MYCBP2: variants seen among roughly 807,000 people sequenced by gnomAD.
The protein encoded by MYCBP2 is MYC binding protein 2, also known as E3 ubiquitin-protein ligase MYCBP2.
Under a neutral mutation model 525.3 loss-of-function variants are expected in MYCBP2, and 120 were observed. The observed-to-expected ratio is 0.23, with a 90% CI of 0.20 to 0.27. MYCBP2 has a LOEUF of 0.27. Ranked by LOEUF, MYCBP2 falls within the 10% of genes least tolerant of loss-of-function variation. The probability of loss-of-function intolerance (pLI) is 1.00; values close to 1 mark genes in which losing one functional copy is unlikely to be tolerated. For missense variants in MYCBP2, 4,149 were observed against 5,657.1 expected (o/e 0.73, Z 8.55); for synonymous variants, 1,894 against 1,955.8 (o/e 0.97, Z 0.83).
chr13:77,301,176 A>G (rs914590391), intron 1 of MYCBP2, among the ~76,000 whole-genome samples: 18 of 151,914 alleles, frequency 1.2e-4, no homozygotes, highest in African/African-American at 3.9e-4. Flanking sequence ...GCACTTTGGG[A>G]AGCTGAGGCG....
At chr13:77,161,832 A>G (rs1398046818) in intron 44 of MYCBP2, 74 bp downstream of exon 44, 1 of 1,170,240 alleles carries the variant, frequency 8.5e-7, no homozygotes, top group African/African-American at 1.5e-5. Context: ...GGTCAAGACA[A>G]ATAGGCTGAT....
At chr13:77,120,414 T>C (rs1330091902) in intron 55 of MYCBP2, among the ~76,000 whole-genome samples, 2 of 152,242 alleles carry the variant, frequency 1.3e-5, no homozygotes, top group Non-Finnish European at 2.9e-5. Context: ...AGTAGTTTTA[T>C]TTTAAACAGA....
At position 77,058,902 on chromosome 13, in the gene MYCBP2, T is replaced by C. The variant is rs181631916; in HGVS notation, c.13141-496A>G. Among the ~76,000 whole-genome samples the C allele has an allele frequency of 8.9e-3, 1,353 of 152,190 alleles. 24 individuals are homozygous for C. The highest frequency in any genetic ancestry group is 0.031 in the African/African-American group (1,293 of 41,502). ...TAGGAAGCTGAGGCAGGAGAATCGC[T>C]TGAACCCGGGAGGCGGAGGTTGCAG... On this transcript the variant is annotated intron_variant, in intron 77 of 82. Transcript: ENST00000544440. The surrounding 1 kb of genome is among the most constrained non-coding windows in gnomAD (Gnocchi z 4.1).
In MYCBP2 at chr13:77,181,695, A is replaced by C. The variant is rs2060235720; in HGVS notation, c.4941+6T>G. 6.2e-7 allele frequency: 1 copy of C among 1,612,342 alleles called. No homozygotes were observed. The highest frequency in any genetic ancestry group is 1.3e-5 in the African/African-American group (1 of 74,878). On this transcript the variant is annotated splice_donor_region_variant and intron_variant, in intron 33 of 82. Coordinates refer to ENST00000544440, the MANE Select transcript of MYCBP2 (RefSeq NM_015057.5). ...TCTGTATAAAAGATTTCAGAGACAG[A>C]CCTACCTGGCTGAGTTTTTCCATAT... is the stretch of plus-strand genomic sequence containing the variant.
rs757452436 is a variant in MYCBP2, at chr13:77,263,947, C to T, written c.1413G>A (p.Gln471=). ...ILFTDGEYIN[Q]IAASRDDGFV... is the part of the protein sequence containing the mutation. ...TACTTACATCTCTTGAAGCAGCTATCTGATTAATATATTCTCCATCAGTGA... is the reference window on the plus strand; with the variant it reads ...TACTTACATCTCTTGAAGCAGCTATTTGATTAATATATTCTCCATCAGTGA... The change falls in exon 9 of 83, where the codon CAG becomes CAA. Residue 471 remains glutamine (Q), a synonymous_variant. Coordinates refer to ENST00000544440, the MANE Select transcript of MYCBP2 (RefSeq NM_015057.5). 48 of 1,612,414 alleles carry T rather than the reference C, an allele frequency of 3.0e-5. No homozygotes were observed. The highest frequency in any genetic ancestry group is 2.1e-4 in the South Asian group (19 of 90,916).
chr13:77,133,019 A>G (rs2053158900), intron 52 of MYCBP2, among the ~76,000 whole-genome samples: 1 of 152,194 alleles, frequency 6.6e-6, no homozygotes, highest in South Asian at 2.1e-4. Context: ...CATTAAGGTT[A>G]TAAGTATTTA....
chr13:77,182,774 A>G (rs2060332096), intron 32 of MYCBP2, among the ~76,000 whole-genome samples: 1 of 152,168 alleles, frequency 6.6e-6, no homozygotes, highest in South Asian at 2.1e-4. Context: ...GAGGGCGGGG[A>G]GGCCTAGGAC....
intron 41 of MYCBP2, 95 bp from the exon 42 acceptor site, chr13:77,165,486 AT>A (rs1347746973): frequency 1.1e-6 from 1 of 905,520 alleles, no homozygotes; most frequent in Admixed American, 2.4e-5. Context: ...TTATCACAAG[AT>A]AGGTAAAAAC....
intron 3 of MYCBP2, among the ~76,000 whole-genome samples, chr13:77,287,649 G>C (rs2077023974): frequency 6.6e-6 from 1 of 151,768 alleles, no homozygotes; most frequent in African/African-American, 2.4e-5. Context: ...TATAAGCTTA[G>C]GCAGAAAGGA....
intron 17 of MYCBP2, among the ~76,000 whole-genome samples, chr13:77,237,813 TCTTA>T (rs1482124511): frequency 7.2e-5 from 11 of 152,200 alleles, no homozygotes; most frequent in Non-Finnish European, 1.6e-4. Flanking sequence ...ATCTATTTTT[TCTTA>T]CTTATACTCT....
chr13:77,057,218 T>C (rs1594089431), intron 78 of MYCBP2, 125 bp from the exon 79 acceptor site: 2 of 630,848 alleles, frequency 3.2e-6, no homozygotes, highest in East Asian at 2.7e-5. Flanking sequence ...AAATTTACTA[T>C]AATGAAAATT....
chr13:77,104,098 T>A, intron 55 of MYCBP2, among the ~76,000 whole-genome samples: 1 of 152,026 alleles, frequency 6.6e-6, no homozygotes, highest in Non-Finnish European at 1.5e-5. Context: ...TATCTGAATT[T>A]AAAAAAACTC....
rs191047195 is a variant in MYCBP2, at chr13:77,058,855, C to T, written c.13141-449G>A. ...CAAAAATTAACCAGGCATGGTGGCG[C>T]GCGCCTGTAATCCCAGCTACTTAGG... On this transcript the variant is annotated intron_variant, in intron 77 of 82. Transcript: ENST00000544440. The surrounding 1 kb of genome is among the most constrained non-coding windows in gnomAD (Gnocchi z 4.1). 2.0e-3 allele frequency among the ~76,000 whole-genome samples: 306 copies of T among 152,046 alleles called. 2 individuals carry two copies. Among genetic ancestry groups the T allele is most frequent in the African/African-American group, 7.0e-3 (291 of 41,468 alleles).
intron 53 of MYCBP2, among the ~76,000 whole-genome samples, chr13:77,125,802 T>A (rs1338485588): frequency 1.3e-5 from 2 of 152,172 alleles, no homozygotes; most frequent in Non-Finnish European, 2.9e-5. Context: ...TTGCTATTAT[T>A]TAGGTTGAGA....
At chr13:77,159,999 G>A (rs1350663525) in intron 44 of MYCBP2, among the ~76,000 whole-genome samples, 2 of 151,194 alleles carry the variant, frequency 1.3e-5, no homozygotes, top group South Asian at 2.1e-4. Context: ...AAACTCAGAC[G>A]TTTCTTAACA....
chr13:77,163,230 CTA>C (rs1300524572), intron 43 of MYCBP2, among the ~76,000 whole-genome samples: 1 of 152,080 alleles, frequency 6.6e-6, no homozygotes, highest in African/African-American at 2.4e-5. Context: ...TAAAAATTTT[CTA>C]TGTCAAAAAG....
At chr13:77,174,937 TATATATTTTA>T (rs2059534613) in intron 36 of MYCBP2, among the ~76,000 whole-genome samples, 1 of 84,584 alleles carries the variant, frequency 1.2e-5, no homozygotes, top group Non-Finnish European at 2.1e-5. Context: ...ATATAATATA[TATATATTTTA>T]TATATTATAT....
At chr13:77,275,997 G>A (rs2075523409) in intron 4 of MYCBP2, among the ~76,000 whole-genome samples, 1 of 151,952 alleles carries the variant, frequency 6.6e-6, no homozygotes. Context: ...AAACAAAAAA[G>A]GACTCTCAGA....
intron 34 of MYCBP2, among the ~76,000 whole-genome samples, chr13:77,179,062 T>C (rs2059974678): frequency 6.6e-6 from 1 of 152,188 alleles, no homozygotes; most frequent in Non-Finnish European, 1.5e-5. Context: ...CTCAAGTGTA[T>C]GCGATGAACC....
Sources: allele counts gnomAD v4.1 joint callset (sites outside exome capture counted in the v4.1 genomes callset), GRCh38; gene constraint gnomAD v4.1.1; non-coding constraint Gnocchi (gnomAD v3.1); transcripts MANE v1.5; gene names NCBI Gene and HGNC (gene_info 2026-07-23, HGNC 2026-07-21).